Variants in GMEB1 observed in about 807,000 individuals in gnomAD.
GMEB1 encodes the protein glucocorticoid modulatory element-binding protein 1.
A neutral mutation model predicts 52.4 loss-of-function variants in GMEB1; 6 were observed. That is an observed-to-expected ratio of 0.11 (90% confidence interval 0.06 to 0.23). The LOEUF is 0.23. GMEB1 is among the 10% of genes least tolerant of loss of function. GMEB1 has a pLI of 1.00. For missense variants in GMEB1, 486 were observed against 685.6 expected, an observed-to-expected ratio of 0.71 and a Z score of 3.25; for synonymous variants, 255 against 244.9, an observed-to-expected ratio of 1.04 and a Z score of -0.38.
Position 28,693,034 on chromosome 1 carries a change from G to A in GMEB1, c.429G>A (p.Gly143=). 6.3e-7 allele frequency: 1 copy of A among 1,592,532 alleles called. No homozygotes were observed. The highest frequency in any genetic ancestry group is 8.6e-7 in the Non-Finnish European group (1 of 1,164,758). Residue 143 remains glycine, a synonymous_variant, in exon 5 of 10, where the codon GGG becomes GGA. Transcript: ENST00000373816. The part of the protein sequence containing the change: ...KDWKRAIRLG[G]IMLRKMMDSG... Reference sequence around the variant, plus strand: ...GGAAGAGAGCTATTCGTCTGGGTGGGATCATGCTCAGGTAAGCTCTAATGT... The same window carrying A: ...GGAAGAGAGCTATTCGTCTGGGTGGAATCATGCTCAGGTAAGCTCTAATGT...
Position 28,704,304 on chromosome 1 carries a change from C to T in GMEB1, c.843C>T (p.Leu281=). The change falls in exon 8 of 10, where the codon CTC becomes CTT. Residue 281 remains leucine, a synonymous_variant. Transcript: ENST00000373816. The part of the protein sequence containing the change: ...EELLRGVQQR[L]IQAPFQVTDA... ...TACTCAGGGGAGTTCAGCAGCGGCT[C>T]ATCCAGGCTCCCTTCCAAGTCACAG... 6.2e-7 allele frequency: 1 copy of T among 1,612,960 alleles called. No homozygotes were observed. The highest frequency in any genetic ancestry group is 8.5e-7 in the Non-Finnish European group (1 of 1,179,506).
At chr1:28,671,415 C>G (rs1668879948) in intron 1 of GMEB1, among the ~76,000 whole-genome samples, 1 of 152,108 alleles carries the variant, frequency 6.6e-6, no homozygotes, top group South Asian at 2.1e-4. Flanking sequence ...CTGCGCCCGC[C>G]TAATTTTGTT....
rs150140527 is a variant in GMEB1, at chr1:28,678,951, G to A, written c.-30-4632G>A. 9.4e-3 allele frequency among the ~76,000 whole-genome samples: 1,420 copies of A among 151,596 alleles called. 22 individuals are homozygous for A. The highest frequency in any genetic ancestry group is 0.032 in the African/African-American group (1,312 of 41,336). On this transcript the variant is annotated intron_variant, in intron 1 of 9. Coordinates refer to ENST00000373816, the MANE Select transcript of GMEB1 (RefSeq NM_001319674.2). ...TTTTGAGACGGAGTCTCGCTCTGTC[G>A]CCAGGCTGGAGTGCAGTGCCGTGAT...
chr1:28,688,256 C>A (rs1377743265), intron 2 of GMEB1, among the ~76,000 whole-genome samples: 3 of 152,194 alleles, frequency 2.0e-5, no homozygotes, highest in Non-Finnish European at 4.4e-5. Flanking sequence ...GCACTCCAGC[C>A]TGGGCAATAA....
rs886140956 is a variant in GMEB1, at chr1:28,711,156, C to T, written c.991+514C>T. 2.6e-5 allele frequency among the ~76,000 whole-genome samples: 4 copies of T among 151,680 alleles called. 1 individual carries two copies. Among genetic ancestry groups the T allele is most frequent in the South Asian group, 4.1e-4 (2 of 4,820 alleles). ...CAAAAATTACCTGGATGTGGTGGCG[C>T]GTGCCTGTAGCCCCAGCTACTCGGG... On this transcript the variant is annotated intron_variant, in intron 9 of 9. Transcript: ENST00000373816.
chr1:28,698,653 C>T lies in GMEB1; in HGVS notation c.598+1569C>T, dbSNP rs1443652020. 2.8e-4 allele frequency among the ~76,000 whole-genome samples: 39 copies of T among 141,386 alleles called. 1 individual carries two copies. Among genetic ancestry groups the T allele is most frequent in the East Asian group, 2.1e-4 (1 of 4,706 alleles). 92.8% of individuals were successfully genotyped at this position (141,386 alleles called of 152,430 possible). ...TGGCGCCACTGCACTCCAGCCTGGG[C>T]GACAAAGCGAGACTCCATCTCAAAA... is the stretch of plus-strand genomic sequence containing the variant. On this transcript the variant is annotated intron_variant, in intron 6 of 9. Transcript: ENST00000373816.
At chr1:28,689,168 G>A (rs551170502) in intron 2 of GMEB1, among the ~76,000 whole-genome samples, 2 of 151,956 alleles carry the variant, frequency 1.3e-5, no homozygotes, top group East Asian at 1.9e-4. Flanking sequence ...GATTACAGGC[G>A]TGAGCCACCG....
At chr1:28,671,736 T>A (rs1668892435) in intron 1 of GMEB1, among the ~76,000 whole-genome samples, 3 of 151,174 alleles carry the variant, frequency 2.0e-5, no homozygotes, top group African/African-American at 4.9e-5. Flanking sequence ...AGAGTGAGAC[T>A]ATGTCTCACT....
rs1670642552 is a variant in GMEB1, at chr1:28,704,189, C to T, written c.731-3C>T. On this transcript the variant is annotated splice_region_variant and splice_polypyrimidine_tract_variant and intron_variant, in intron 7 of 9. Coordinates refer to ENST00000373816, the MANE Select transcript of GMEB1 (RefSeq NM_001319674.2). Reference sequence around the variant, plus strand: ...ACCCTCTGTCTTATCCTTCTTGTGCCAGAGGACACTTTGATGTTCTGGAAA... The same window carrying T: ...ACCCTCTGTCTTATCCTTCTTGTGCTAGAGGACACTTTGATGTTCTGGAAA... 2 of 1,608,610 alleles carry T rather than the reference C, an allele frequency of 1.2e-6. No homozygotes were observed. Among genetic ancestry groups the T allele is most frequent in the Non-Finnish European group, 1.7e-6 (2 of 1,177,190 alleles).
At position 28,714,967 on chromosome 1, in the gene GMEB1, CAGA is replaced by C. The variant is rs1401455826; in HGVS notation, c.*197_*199del. The C allele has an allele frequency of 1.4e-5, 8 of 571,000 alleles. No individual in the cohort carries two copies. Among genetic ancestry groups the C allele is most frequent in the Non-Finnish European group, 2.2e-5 (7 of 322,352 alleles). 35.4% of individuals were successfully genotyped at this position (571,000 alleles called of 1,614,324 possible). A position where few individuals can be genotyped will look rare whatever the true frequency, so the allele number is the denominator to read the frequency against. ...AAATGGACAAAACAAGCTGCCCTTC[CAGA>C]AGTTGAGAGTAGGTCATTCAATGTC... is the stretch of plus-strand genomic sequence containing the variant. On this transcript the variant is annotated 3_prime_UTR_variant, in exon 10 of 10. Transcript: ENST00000373816.
At chr1:28,705,678 T>G (rs916836082) in intron 8 of GMEB1, among the ~76,000 whole-genome samples, 1 of 150,234 alleles carries the variant, frequency 6.7e-6, no homozygotes, top group Admixed American at 6.6e-5. Context: ...CTCAAACTCC[T>G]GACCTTGGGT....
In GMEB1 at chr1:28,715,209, C is replaced by T. The variant is rs1311939163; in HGVS notation, c.*436C>T. 1 of 169,046 alleles carries T rather than the reference C, an allele frequency of 5.9e-6. No individual in the cohort carries two copies. The highest frequency in any genetic ancestry group is 1.3e-5 in the Non-Finnish European group (1 of 76,874). The allele number at this position is 169,046 out of a possible 1,614,324, so 10.5% of individuals were successfully genotyped here. A position where few individuals can be genotyped will look rare whatever the true frequency, so the allele number is the denominator to read the frequency against. On this transcript the variant is annotated 3_prime_UTR_variant, in exon 10 of 10. Transcript: ENST00000373816. ...TGCTGAAGGGCACTTTATTTTGTAT[C>T]CTGAAAAGGGCCTACAGAGGCCAGT...
intron 8 of GMEB1, among the ~76,000 whole-genome samples, chr1:28,704,600 C>CA (rs1028499833): frequency 4.6e-5 from 7 of 151,078 alleles, no homozygotes; most frequent in East Asian, 1.9e-4. Context: ...TTTGTCTCCA[C>CA]AAAAAAAATT....
At chr1:28,696,041 ATTGT>A (rs56937830) in intron 5 of GMEB1, among the ~76,000 whole-genome samples, 62,325 of 135,842 alleles carry the variant, frequency 0.46, 14,212 homozygotes, top group East Asian at 0.75. Flanking sequence ...CTTTATTTTT[ATTGT>A]TTGTTTATTT....
chr1:28,671,817 G>A (rs1393732507), intron 1 of GMEB1, among the ~76,000 whole-genome samples: 1 of 151,818 alleles, frequency 6.6e-6, no homozygotes, highest in Non-Finnish European at 1.5e-5. Flanking sequence ...ATAGAGTGTG[G>A]AATAAATAAA....
chr1:28,699,264 C>T (rs907835385), intron 6 of GMEB1, among the ~76,000 whole-genome samples: 7 of 152,140 alleles, frequency 4.6e-5, no homozygotes, highest in South Asian at 2.1e-4. Flanking sequence ...AAAGATGTAA[C>T]TGTAAGATTA....
At chr1:28,691,854 T>C (rs1669980952) in intron 4 of GMEB1, 145 bp downstream of exon 4, 1 of 202,302 alleles carries the variant, frequency 4.9e-6, no homozygotes, top group South Asian at 1.8e-4. Context: ...ATTTATTTTG[T>C]GGCTATTGTC....
In GMEB1 at chr1:28,683,577, C is replaced by T. The variant is rs1557500958; in HGVS notation, c.-30-6C>T. 3 of 1,575,764 alleles carry T rather than the reference C, an allele frequency of 1.9e-6. No individual in the cohort carries two copies. The highest frequency in any genetic ancestry group is 1.4e-5 in the African/African-American group (1 of 72,836). The stretch of plus-strand genomic sequence containing the variant: ...TTAAGTTATTGGTGCTTCTTGTTCC[C>T]GACAGCAGTCCCAGCTATCTGACTT... On this transcript the variant is annotated splice_polypyrimidine_tract_variant and splice_region_variant and intron_variant, in intron 1 of 9. Transcript: ENST00000373816.
intron 6 of GMEB1, among the ~76,000 whole-genome samples, chr1:28,701,174 T>A (rs1343738872): frequency 6.6e-6 from 1 of 152,106 alleles, no homozygotes; most frequent in Non-Finnish European, 1.5e-5. Flanking sequence ...TTTTGCCCGA[T>A]GATTGATATC....
Sources: gnomAD v4.1 joint callset for allele counts (sites outside exome capture counted in the v4.1 genomes callset) on GRCh38, gnomAD v4.1.1 for gene constraint, MANE v1.5 for transcripts, NCBI Gene and HGNC (gene_info 2026-07-23, HGNC 2026-07-21) for gene names.